Variants in ADK observed in about 807,000 individuals in gnomAD.
ADK encodes the protein adenosine kinase.
In ADK, 24 loss-of-function variants were observed where a neutral mutation model predicts 44.7. The ratio of observed to expected loss-of-function variants is 0.54; its 90% CI spans 0.39 to 0.76. The LOEUF is 0.76. Ranked by LOEUF, ADK falls within the 30% of genes least tolerant of loss-of-function variation. ADK has a pLI of 0.00. For missense variants in ADK, 321 were observed against 425.1 expected, an observed-to-expected ratio of 0.76 and a Z score of 2.15; for synonymous variants, 128 against 142.6, an observed-to-expected ratio of 0.90 and a Z score of 0.73.
At chr10:74,175,510 C>T (rs1842300686) in intron 1 of ADK, among the ~76,000 whole-genome samples, 1 of 152,130 alleles carries the variant, frequency 6.6e-6, no homozygotes, top group Admixed American at 6.5e-5. Context: ...TCAGTCCCAT[C>T]AGCCACATTT....
intron 10 of ADK, among the ~76,000 whole-genome samples, chr10:74,690,079 C>T (rs1046326361): frequency 2.0e-5 from 3 of 152,244 alleles, no homozygotes; most frequent in African/African-American, 7.2e-5. Flanking sequence ...GATCTCTCTG[C>T]AAGCAGTCTC....
At chr10:74,496,291 A>T (rs1373158870) in intron 6 of ADK, among the ~76,000 whole-genome samples, 2 of 152,094 alleles carry the variant, frequency 1.3e-5, no homozygotes, top group Non-Finnish European at 2.9e-5. Flanking sequence ...TCCCCACCCA[A>T]ATCTCACCTT....
chr10:74,263,943 G>A lies in ADK; in HGVS notation c.194+39352G>A, dbSNP rs1236212978. On this transcript the variant is annotated intron_variant, in intron 3 of 10. Transcript: ENST00000539909. ...TTTTCAGTATTAGAAACACTACTGT[G>A]TTTAAGGTTCTTGTACTGATCTGTT... Among the ~76,000 whole-genome samples the A allele has an allele frequency of 3.9e-5, 6 of 152,162 alleles. 1 individual carries two copies. The highest frequency in any genetic ancestry group is 8.8e-5 in the Non-Finnish European group (6 of 68,014).
At chr10:74,653,356 G>T (rs185889446) in intron 9 of ADK, among the ~76,000 whole-genome samples, 1 of 152,106 alleles carries the variant, frequency 6.6e-6, no homozygotes, top group Non-Finnish European at 1.5e-5. Context: ...GGAGGGTAAG[G>T]CAGGAGAATT....
chr10:74,592,572 A>C (rs551813223), intron 8 of ADK, among the ~76,000 whole-genome samples: 22 of 152,204 alleles, frequency 1.4e-4, no homozygotes, highest in African/African-American at 5.1e-4. Flanking sequence ...CCAAGTAATA[A>C]ATTTTAGATT....
intron 8 of ADK, among the ~76,000 whole-genome samples, chr10:74,598,138 G>A (rs1851986788): frequency 6.6e-6 from 1 of 152,122 alleles, no homozygotes; most frequent in Non-Finnish European, 1.5e-5. Context: ...GTAAATCCAA[G>A]CCTGTCATAT....
At chr10:74,168,892 T>A (rs997536985) in intron 1 of ADK, among the ~76,000 whole-genome samples, 1 of 152,098 alleles carries the variant, frequency 6.6e-6, no homozygotes. Context: ...ATTACAGACG[T>A]GAGCCACCGT....
chr10:74,562,968 G>T, intron 7 of ADK, among the ~76,000 whole-genome samples: 1 of 152,046 alleles, frequency 6.6e-6, no homozygotes, highest in East Asian at 1.9e-4. Context: ...TTTGGTTTTG[G>T]TTTGGTTTTC....
At chr10:74,180,205 CTTT>C (rs200038420) in intron 1 of ADK, among the ~76,000 whole-genome samples, 6 of 132,208 alleles carry the variant, frequency 4.5e-5, no homozygotes, top group Admixed American at 8.1e-5. Context: ...TTTCTCTTTT[CTTT>C]TTATTATTAT....
intron 3 of ADK, among the ~76,000 whole-genome samples, chr10:74,272,475 A>C (rs1032162476): frequency 6.6e-6 from 1 of 152,010 alleles, no homozygotes; most frequent in Non-Finnish European, 1.5e-5. Flanking sequence ...GGGTCTCACT[A>C]TGTTGCCCAG....
chr10:74,353,257 A>C (rs1327756636), intron 4 of ADK, among the ~76,000 whole-genome samples: 1 of 152,204 alleles, frequency 6.6e-6, no homozygotes, highest in African/African-American at 2.4e-5. Flanking sequence ...TGTCCTTTGC[A>C]GGGACATGAT....
intron 3 of ADK, among the ~76,000 whole-genome samples, chr10:74,294,796 G>C (rs1431814253): frequency 6.6e-6 from 1 of 152,012 alleles, no homozygotes; most frequent in South Asian, 2.1e-4. Context: ...ATACTTCTTT[G>C]TGAATTACTT....
intron 9 of ADK, among the ~76,000 whole-genome samples, chr10:74,659,088 G>A (rs1045497039): frequency 4.6e-5 from 7 of 152,042 alleles, no homozygotes; most frequent in African/African-American, 1.7e-4. Flanking sequence ...GCATGGTGGC[G>A]CATGCCTGTG....
At chr10:74,207,394 G>A (rs1843644864) in intron 2 of ADK, among the ~76,000 whole-genome samples, 1 of 152,180 alleles carries the variant, frequency 6.6e-6, no homozygotes, top group Non-Finnish European at 1.5e-5. Flanking sequence ...TGTTACAGCT[G>A]TTTCAGTCCT....
intron 6 of ADK, among the ~76,000 whole-genome samples, chr10:74,426,212 C>G (rs892226451): frequency 1.3e-5 from 2 of 151,952 alleles, no homozygotes; most frequent in African/African-American, 4.8e-5. Context: ...TAAAACAGCC[C>G]CCATTATATA....
At chr10:74,233,128 A>T (rs1225173381) in intron 3 of ADK, among the ~76,000 whole-genome samples, 3 of 152,206 alleles carry the variant, frequency 2.0e-5, no homozygotes, top group Admixed American at 1.3e-4. Flanking sequence ...CATAGGCTGT[A>T]GTCTTGGGGT....
chr10:74,537,420 A>C (rs916883493), intron 7 of ADK, among the ~76,000 whole-genome samples: 6 of 152,230 alleles, frequency 3.9e-5, no homozygotes, highest in African/African-American at 1.4e-4. Flanking sequence ...CCCTTCAGCA[A>C]CAACCATTTG....
intron 7 of ADK, among the ~76,000 whole-genome samples, chr10:74,567,088 C>G (rs1222886854): frequency 6.6e-6 from 1 of 152,078 alleles, no homozygotes; most frequent in African/African-American, 2.4e-5. Context: ...AAGTAAGAGG[C>G]AAAGGAAGAA....
At chr10:74,495,647 C>T (rs536203054) in intron 6 of ADK, among the ~76,000 whole-genome samples, 1 of 152,112 alleles carries the variant, frequency 6.6e-6, no homozygotes, top group Non-Finnish European at 1.5e-5. Context: ...AGCACTTCAC[C>T]CATTTCCCTA....
Sources: allele counts gnomAD v4.1 joint callset (sites outside exome capture counted in the v4.1 genomes callset), GRCh38; gene constraint gnomAD v4.1.1; transcripts MANE v1.5; gene names NCBI Gene and HGNC (gene_info 2026-07-23, HGNC 2026-07-21).